GOSR2: variants seen among roughly 807,000 people sequenced by gnomAD.
GOSR2 encodes golgi SNAP receptor complex member 2.
In GOSR2, 20 loss-of-function variants were observed where a neutral mutation model predicts 27.9. The observed-to-expected ratio is 0.72, with a 90% confidence interval of 0.50 to 1.04. The LOEUF (loss-of-function observed/expected upper bound fraction) is 1.04, where lower values mean the gene tolerates loss of function less well. GOSR2 is among the 50% of genes least tolerant of loss of function. The probability of loss-of-function intolerance (pLI) is 0.00; values close to 1 mark genes in which losing one functional copy is unlikely to be tolerated. For synonymous variants in GOSR2, 91 were observed against 98.8 expected (o/e 0.92, Z 0.47); for missense variants, 261 against 270.5 (o/e 0.97, Z 0.25).
intron 6 of GOSR2, among the ~76,000 whole-genome samples, chr17:46,954,962 A>C (rs2090612670): frequency 6.6e-6 from 1 of 152,018 alleles, no homozygotes; most frequent in Admixed American, 6.5e-5. Context: ...TGTCATCTGC[A>C]AACAGGGACA....
At chr17:46,929,281 G>A (rs1224082467) in intron 1 of GOSR2, among the ~76,000 whole-genome samples, 1 of 152,146 alleles carries the variant, frequency 6.6e-6, no homozygotes, top group Non-Finnish European at 1.5e-5. Flanking sequence ...TATTGATTTG[G>A]CAGAGTATCT....
In GOSR2 at chr17:46,939,689, C is replaced by G. The variant is rs1485264328; in HGVS notation, c.*929C>G. 4 of 985,318 alleles carry G rather than the reference C, an allele frequency of 4.1e-6. No homozygotes were observed. The highest frequency in any genetic ancestry group is 3.6e-6 in the Non-Finnish European group (3 of 829,904). 61.0% of individuals were successfully genotyped at this position (985,318 alleles called of 1,614,324 possible). A position where few individuals can be genotyped will look rare whatever the true frequency, so the allele number is the denominator to read the frequency against. On this transcript the variant is annotated 3_prime_UTR_variant, in exon 6 of 6. Transcript: ENST00000640051. Reference sequence around the variant, plus strand: ...ACCTGCCAGCCAGGCCCTCATTTTGCCCAGCCAGTGTGGGCAGATCCCACC... The same window carrying G: ...ACCTGCCAGCCAGGCCCTCATTTTGGCCAGCCAGTGTGGGCAGATCCCACC...
In GOSR2 at chr17:46,941,822, G is replaced by A; in HGVS notation, c.*3062G>A. The A allele has an allele frequency of 2.2e-6, 1 of 448,884 alleles. No individual in the cohort carries two copies. The highest frequency in any genetic ancestry group is 2.9e-6 in the Non-Finnish European group (1 of 339,798). The allele number at this position is 448,884 out of a possible 1,614,324, so 27.8% of individuals were successfully genotyped here. On this transcript the variant is annotated 3_prime_UTR_variant, in exon 6 of 6. Transcript: ENST00000640051. ...ATTGGTCTTAAACTCCTGGCCTCAAGTGATCTGCCTGCTTCGGCCTCCCAA... is the reference window on the plus strand; with the variant it reads ...ATTGGTCTTAAACTCCTGGCCTCAAATGATCTGCCTGCTTCGGCCTCCCAA...
chr17:46,944,848 C>T (rs2089699884), downstream of GOSR2, among the ~76,000 whole-genome samples: 1 of 152,144 alleles, frequency 6.6e-6, no homozygotes, highest in African/African-American at 2.4e-5. Flanking sequence ...GATCCACCCA[C>T]CTCGGCCTCC....
intron 1 of GOSR2, among the ~76,000 whole-genome samples, chr17:46,924,792 A>G (rs2086241908): frequency 1.3e-5 from 2 of 152,244 alleles, no homozygotes; most frequent in African/African-American, 2.4e-5. Flanking sequence ...GAAAGAATGA[A>G]ACGAAATTAT....
At chr17:46,962,404 T>C (rs1046431378) in intron 6 of GOSR2, among the ~76,000 whole-genome samples, 75 of 152,134 alleles carry the variant, frequency 4.9e-4, no homozygotes, top group African/African-American at 1.8e-3. Flanking sequence ...CCTCCCAGTG[T>C]TCATGCCCTT....
At chr17:46,929,015 G>T (rs181103880) in intron 1 of GOSR2, among the ~76,000 whole-genome samples, 1 of 152,008 alleles carries the variant, frequency 6.6e-6, no homozygotes, top group African/African-American at 2.4e-5. Context: ...ATCTTCCCAG[G>T]GCTTGTTCAT....
In GOSR2 at chr17:46,940,767, C is replaced by T; in HGVS notation, c.*2007C>T. ...ATGCTGCACCTTCAGAGCCAGTCCTCTAGTTTGGAATAAAAATTGCAGAGG... is the reference window on the plus strand; with the variant it reads ...ATGCTGCACCTTCAGAGCCAGTCCTTTAGTTTGGAATAAAAATTGCAGAGG... On this transcript the variant is annotated 3_prime_UTR_variant, in exon 6 of 6. Transcript: ENST00000640051. 1.3e-6 allele frequency: 2 copies of T among 1,532,750 alleles called. No individual in the cohort carries two copies. The highest frequency in any genetic ancestry group is 1.8e-4 in the Middle Eastern group (1 of 5,490). 94.9% of individuals were successfully genotyped at this position (1,532,750 alleles called of 1,614,324 possible). A position where few individuals can be genotyped will look rare whatever the true frequency, so the allele number is the denominator to read the frequency against.
Position 46,940,361 on chromosome 17 carries a change from G to C in GOSR2, c.*1601G>C. ...TAAAATGGGTTGGGGCCCTGCCAGA[G>C]TTAAAGCAGTGACTGGAGGGTGGAC... On this transcript the variant is annotated 3_prime_UTR_variant, in exon 6 of 6. Transcript: ENST00000640051. 1 of 1,497,692 alleles carries C rather than the reference G, an allele frequency of 6.7e-7. No homozygotes were observed. The highest frequency in any genetic ancestry group is 2.0e-5 in the Admixed American group (1 of 48,808). 92.8% of individuals were successfully genotyped at this position (1,497,692 alleles called of 1,614,324 possible).
intron 1 of GOSR2, among the ~76,000 whole-genome samples, chr17:46,929,106 G>T (rs1188303592): frequency 6.6e-6 from 1 of 152,112 alleles, no homozygotes; most frequent in Non-Finnish European, 1.5e-5. Context: ...ACTCTTCCTG[G>T]TACAGGCCAG....
intron 1 of GOSR2, among the ~76,000 whole-genome samples, chr17:46,926,309 C>T (rs197919): frequency 0.38 from 57,002 of 151,976 alleles, 10,752 homozygotes; most frequent in South Asian, 0.48. Flanking sequence ...GTGTAGGTTA[C>T]ACAGCGTTTT....
At chr17:46,942,465 T>G (rs1249790722), downstream of GOSR2, among the ~76,000 whole-genome samples, 4 of 152,196 alleles carry the variant, frequency 2.6e-5, no homozygotes, top group Admixed American at 1.3e-4. Context: ...CTCATCCAGC[T>G]TGGAACCATG....
intron 4 of GOSR2, chr17:46,932,704 T>TG (rs1191212884): frequency 9.5e-6 from 2 of 211,278 alleles, no homozygotes; most frequent in East Asian, 2.3e-4. Context: ...ATGGACTGCT[T>TG]GCCTGAGTCT....
chr17:46,927,416 T>C (rs1309737562), intron 1 of GOSR2, among the ~76,000 whole-genome samples: 1 of 152,216 alleles, frequency 6.6e-6, no homozygotes, highest in African/African-American at 2.4e-5. Context: ...TTGTGGGTTT[T>C]GTGGGGGTGG....
At chr17:46,945,920 G>C (rs567716188), downstream of GOSR2, among the ~76,000 whole-genome samples, 4 of 152,278 alleles carry the variant, frequency 2.6e-5, no homozygotes, top group South Asian at 8.3e-4. Flanking sequence ...TGCATGGAGT[G>C]GGTATAAATT....
intron 1 of GOSR2, among the ~76,000 whole-genome samples, chr17:46,927,955 A>G (rs1468001848): frequency 2.6e-5 from 4 of 152,132 alleles, no homozygotes; most frequent in Admixed American, 1.3e-4. Flanking sequence ...GGACTTCCTT[A>G]GAGTCCTAAT....
chr17:46,973,462 C>T (rs1223827865), intron 6 of GOSR2, among the ~76,000 whole-genome samples: 2 of 152,122 alleles, frequency 1.3e-5, no homozygotes, highest in African/African-American at 2.4e-5. Flanking sequence ...CACACCTAGC[C>T]TCTGTTGCTT....
chr17:46,939,009 C>A lies in GOSR2; in HGVS notation c.*249C>A, dbSNP rs891001127. The A allele has an allele frequency of 2.2e-6, 3 of 1,336,070 alleles. No individual in the cohort carries two copies. The highest frequency in any genetic ancestry group is 2.9e-6 in the Non-Finnish European group (3 of 1,031,526). The allele number at this position is 1,336,070 out of a possible 1,614,324, so 82.8% of individuals were successfully genotyped here. ...AGAAGTCCCGGGTCTGTCTCTCTCACTCTCGCTCTCACTGGGGGAGGGAAA... is the reference window on the plus strand; with the variant it reads ...AGAAGTCCCGGGTCTGTCTCTCTCAATCTCGCTCTCACTGGGGGAGGGAAA... On this transcript the variant is annotated 3_prime_UTR_variant, in exon 6 of 6. Transcript: ENST00000640051.
intron 6 of GOSR2, among the ~76,000 whole-genome samples, chr17:46,947,941 C>G (rs955222458): frequency 1.3e-5 from 2 of 152,028 alleles, no homozygotes; most frequent in South Asian, 2.1e-4. Flanking sequence ...GCTAATTTTT[C>G]GTGTTTTTAC....
Sources: allele counts gnomAD v4.1 joint callset (sites outside exome capture counted in the v4.1 genomes callset), GRCh38; gene constraint gnomAD v4.1.1; transcripts MANE v1.5; gene names NCBI Gene and HGNC (gene_info 2026-07-23, HGNC 2026-07-21).